Variants in BMP8B observed in about 807,000 individuals in gnomAD.
The protein encoded by BMP8B is bone morphogenetic protein 8b.
Under a neutral mutation model 30.3 loss-of-function variants are expected in BMP8B, and 17 were observed. That is an observed-to-expected ratio of 0.56 (90% CI 0.38 to 0.84). BMP8B has a LOEUF of 0.84. BMP8B is among the 40% of genes least tolerant of loss of function. The probability of loss-of-function intolerance (pLI) is 0.00; values close to 1 mark genes in which losing one functional copy is unlikely to be tolerated. For synonymous variants in BMP8B, 131 were observed against 214.7 expected (o/e 0.61, Z 3.41); for missense variants, 253 against 494.6 (o/e 0.51, Z 4.63).
At chr1:39,761,723 C>T (rs1195230243) in intron 6 of BMP8B, among the ~76,000 whole-genome samples, 1 of 152,186 alleles carries the variant, frequency 6.6e-6, no homozygotes, top group Non-Finnish European at 1.5e-5. Flanking sequence ...GAACATTCCT[C>T]CTCCAGCTGC....
rs192262650 is a variant in BMP8B, at chr1:39,785,652, C to T, written c.334+2500G>A. Among the ~76,000 whole-genome samples, 131 of 152,216 alleles carry T rather than the reference C, an allele frequency of 8.6e-4. 2 individuals are homozygous for T. In the East Asian group the frequency reaches 0.02, roughly 24 times the overall value. On this transcript the variant is annotated intron_variant, in intron 1 of 6. Transcript: ENST00000372827. ...GCAGGTGTGGGAGCCTGCGTGTGGG[C>T]GGTGACACCACAGTGACCCTGCTAT...
chr1:39,761,261 C>T (rs1648924343), intron 6 of BMP8B: 1 of 152,768 alleles, frequency 6.5e-6, no homozygotes, highest in African/African-American at 2.4e-5. Context: ...CCTGGGAGGC[C>T]TCCTGGATGA....
At chr1:39,762,690 A>G in intron 6 of BMP8B, 2 of 1,487,784 alleles carry the variant, frequency 1.3e-6, no homozygotes, top group Non-Finnish European at 1.8e-6. Flanking sequence ...CACTGTGCAC[A>G]CATATCACGG....
intron 6 of BMP8B, chr1:39,762,703 G>A (rs1407060451): frequency 3.8e-5 from 56 of 1,469,978 alleles, no homozygotes; most frequent in African/African-American, 5.7e-5. Context: ...TATCACGGGC[G>A]GTCAGACTTG....
Position 39,769,568 on chromosome 1 carries a change from A to C in BMP8B, c.673+4740T>G, listed in dbSNP as rs1649803535. 2.4e-6 allele frequency: 3 copies of C among 1,271,354 alleles called. No individual in the cohort carries two copies. In the South Asian group the frequency reaches 4.8e-5, roughly 20 times the overall value. The allele number at this position is 1,271,354 out of a possible 1,614,324, so 78.8% of individuals were successfully genotyped here. On this transcript the variant is annotated intron_variant, in intron 3 of 6. Transcript: ENST00000372827. ...AATTAAAGTCGCAGCTCTCTAGAGG[A>C]GCACTGTCCACCTAGGGAGGAAAGT... is the stretch of plus-strand genomic sequence containing the variant.
At chr1:39,787,622 G>A (rs1651073262) in intron 1 of BMP8B, among the ~76,000 whole-genome samples, 1 of 152,072 alleles carries the variant, frequency 6.6e-6, no homozygotes, top group Admixed American at 6.6e-5. Context: ...CCAGCGAGCT[G>A]AGTTTGCTCC....
intron 6 of BMP8B, 44 bp downstream of exon 6, chr1:39,763,048 G>A (rs1553127202): frequency 1.9e-6 from 3 of 1,600,730 alleles, no homozygotes; most frequent in Non-Finnish European, 8.6e-7. Context: ...TCTCCACAGG[G>A]CCCCCCACCC....
chr1:39,780,001 C>T (rs895104816), intron 1 of BMP8B, among the ~76,000 whole-genome samples: 6 of 152,202 alleles, frequency 3.9e-5, no homozygotes, highest in Admixed American at 6.5e-5. Context: ...TCCACTTCCA[C>T]GCGCTGTCTT....
rs74984089 is a variant in BMP8B at position 39,781,036 on chromosome 1, G to A, written c.335-5998C>T. On this transcript the variant is annotated intron_variant, in intron 1 of 6. Transcript: ENST00000372827. ...TGAATGGACATTTCTTCCATTTGGG[G>A]ATCATTTATATTGAGTTGTCTTTGG... is the stretch of plus-strand genomic sequence containing the variant. 8.8e-3 allele frequency among the ~76,000 whole-genome samples: 1,343 copies of A among 152,282 alleles called. 17 individuals carry two copies. The highest frequency in any genetic ancestry group is 0.031 in the African/African-American group (1,292 of 41,546).
chr1:39,766,031 T>C (rs1422733699), intron 3 of BMP8B, among the ~76,000 whole-genome samples: 1 of 151,904 alleles, frequency 6.6e-6, no homozygotes, highest in African/African-American at 2.4e-5. Context: ...GAGAGTGTGT[T>C]TCAAGAAAAA....
At chr1:39,775,935 AG>A (rs1650194056) in intron 1 of BMP8B, among the ~76,000 whole-genome samples, 1 of 152,286 alleles carries the variant, frequency 6.6e-6, no homozygotes, top group Non-Finnish European at 1.5e-5. Context: ...GGTGGCAGGG[AG>A]GGTGCTCTAG....
At chr1:39,771,314 G>C in intron 3 of BMP8B, 1 of 1,416,934 alleles carries the variant, frequency 7.1e-7, no homozygotes. Flanking sequence ...GCCTCGGGCC[G>C]CGCGTCACAG....
At chr1:39,785,692 G>T (rs562547506) in intron 1 of BMP8B, among the ~76,000 whole-genome samples, 1 of 152,314 alleles carries the variant, frequency 6.6e-6, no homozygotes, top group African/African-American at 2.4e-5. Context: ...TCCCGTGGTG[G>T]CCTCTGCCCA....
Position 39,784,758 on chromosome 1 carries a change from C to T in BMP8B, c.334+3394G>A, listed in dbSNP as rs1477613133. 5.2e-5 allele frequency among the ~76,000 whole-genome samples: 6 copies of T among 116,086 alleles called. 1 individual carries two copies. Among genetic ancestry groups the T allele is most frequent in the Non-Finnish European group, 1.2e-4 (6 of 51,904 alleles). The allele number at this position is 116,086 out of a possible 152,430, so 76.2% of individuals were successfully genotyped here. A position where few individuals can be genotyped will look rare whatever the true frequency, so the allele number is the denominator to read the frequency against. On this transcript the variant is annotated intron_variant, in intron 1 of 6. Coordinates refer to ENST00000372827, the MANE Select transcript of BMP8B (RefSeq NM_001720.5). ...AGGACCCGGGCCAGGTCCCGAATTC[C>T]CACTCAGTCCTGCTTCTCCCAAATC...
chr1:39,763,330 C>T (rs1420032047), intron 5 of BMP8B, 128 bp from the exon 6 acceptor site: 4 of 961,060 alleles, frequency 4.2e-6, no homozygotes, highest in African/African-American at 3.4e-5. Context: ...GAACCCCCGG[C>T]AGAAAAGGCT....
intron 3 of BMP8B, among the ~76,000 whole-genome samples, chr1:39,772,676 TCCTCCTGTTC>T (rs1050026528): frequency 3.5e-5 from 5 of 141,610 alleles, no homozygotes; most frequent in African/African-American, 1.3e-4. Context: ...CATTCAGGCT[TCCTCCTGTTC>T]CCTCACCTCC....
chr1:39,785,123 G>A (rs1650883378), intron 1 of BMP8B, among the ~76,000 whole-genome samples: 1 of 82,490 alleles, frequency 1.2e-5, no homozygotes, highest in Admixed American at 1.3e-4. Flanking sequence ...GAGCCACAGG[G>A]TCAGGGCTGG....
chr1:39,787,581 G>C (rs1651069449), intron 1 of BMP8B, among the ~76,000 whole-genome samples: 1 of 152,042 alleles, frequency 6.6e-6, no homozygotes, highest in Non-Finnish European at 1.5e-5. Context: ...CCAGGTGTTG[G>C]GCCCAGGGTG....
In BMP8B at chr1:39,788,529, T is replaced by G. The variant is rs1651172455; in HGVS notation, c.-44A>C. ...AGCTGGGGCGCTCAGCGGGCGCGCA[T>G]CGGCTCCGCGGCCGACCCAGGGCCT... On this transcript the variant is annotated 5_prime_UTR_variant, in exon 1 of 7. An upstream start codon of the reference 5' UTR is lost. Coordinates refer to ENST00000372827, the MANE Select transcript of BMP8B (RefSeq NM_001720.5). The surrounding 1 kb of genome is among the most constrained non-coding windows in gnomAD (Gnocchi z 5.8). The G allele has an allele frequency of 2.0e-6, 2 of 999,494 alleles. No homozygotes were observed. The highest frequency in any genetic ancestry group is 1.1e-4 in the East Asian group (1 of 9,390). The allele number at this position is 999,494 out of a possible 1,614,324, so 61.9% of individuals were successfully genotyped here.
Sources: gnomAD v4.1 joint callset for allele counts (sites outside exome capture counted in the v4.1 genomes callset) on GRCh38, gnomAD v4.1.1 for gene constraint, Gnocchi (gnomAD v3.1) non-coding constraint, MANE v1.5 for transcripts, NCBI Gene and HGNC (gene_info 2026-07-23, HGNC 2026-07-21) for gene names.